The following CCDC91 variants were observed in gnomAD, a reference collection of about 807,000 sequenced individuals.
The protein encoded by CCDC91 is coiled-coil domain-containing protein 91.
CCDC91 carries 48 observed loss-of-function variants against 63.2 expected under a neutral mutation model. That is an observed-to-expected ratio of 0.76 (90% CI 0.60 to 0.97). CCDC91 has a LOEUF of 0.97. Ranked by LOEUF, CCDC91 falls within the 50% of genes least tolerant of loss-of-function variation. CCDC91 has a pLI of 0.00. For synonymous variants in CCDC91, 167 were observed against 165.8 expected, an observed-to-expected ratio of 1.01 and a Z score of -0.06; for missense variants, 500 against 494.6, an observed-to-expected ratio of 1.01 and a Z score of -0.10.
intron 3 of CCDC91, among the ~76,000 whole-genome samples, chr12:28,300,119 A>G (rs752615138): frequency 1.3e-5 from 2 of 151,534 alleles, no homozygotes; most frequent in Non-Finnish European, 3.0e-5. Flanking sequence ...TAATCAAGCC[A>G]TAGTTAGAAT....
chr12:28,418,978 GTTCTAGGTAT>G (rs2139868004), intron 8 of CCDC91, among the ~76,000 whole-genome samples: 1 of 152,206 alleles, frequency 6.6e-6, no homozygotes, highest in Non-Finnish European at 1.5e-5. Context: ...GACTAATCAT[GTTCTAGGTAT>G]TTGTCAAAAT....
intron 3 of CCDC91, among the ~76,000 whole-genome samples, chr12:28,286,609 C>T (rs1009086231): frequency 2.6e-5 from 4 of 152,180 alleles, no homozygotes; most frequent in East Asian, 3.9e-4. Flanking sequence ...TCCAGTTCAT[C>T]CACTGATGGC....
chr12:28,506,443 CTT>C (rs1938726441), intron 12 of CCDC91, among the ~76,000 whole-genome samples: 1 of 151,938 alleles, frequency 6.6e-6, no homozygotes, highest in Non-Finnish European at 1.5e-5. Context: ...ATGCTTGCCT[CTT>C]TGCTAGTGAA....
chr12:28,196,964 C>T (rs1941811707), intron 1 of CCDC91, among the ~76,000 whole-genome samples: 1 of 151,980 alleles, frequency 6.6e-6, no homozygotes, highest in Non-Finnish European at 1.5e-5. Flanking sequence ...TATGGATATG[C>T]CCATCATTTA....
At chr12:28,503,986 A>C (rs1938358502) in intron 12 of CCDC91, among the ~76,000 whole-genome samples, 1 of 152,032 alleles carries the variant, frequency 6.6e-6, no homozygotes, top group Non-Finnish European at 1.5e-5. Context: ...CCTAATGCTA[A>C]ATGATGAGTT....
chr12:28,319,168 G>A (rs10843153), intron 6 of CCDC91, among the ~76,000 whole-genome samples: 30,450 of 151,826 alleles, frequency 0.2, 3,995 homozygotes, highest in Non-Finnish European at 0.3. Flanking sequence ...GAAAAATCAA[G>A]TAAACTGTTT....
intron 3 of CCDC91, among the ~76,000 whole-genome samples, chr12:28,287,144 C>T (rs192432117): frequency 1.3e-5 from 2 of 151,766 alleles, no homozygotes; most frequent in Non-Finnish European, 2.9e-5. Flanking sequence ...ATATTTTCTC[C>T]CATTCTGTAG....
chr12:28,278,357 T>G (rs903855087), intron 3 of CCDC91, among the ~76,000 whole-genome samples: 1 of 152,072 alleles, frequency 6.6e-6, no homozygotes, highest in African/African-American at 2.4e-5. Context: ...CTTTTATATT[T>G]TCACTTCGAT....
chr12:28,501,056 A>G (rs1330642617), intron 12 of CCDC91, among the ~76,000 whole-genome samples: 1 of 151,778 alleles, frequency 6.6e-6, no homozygotes, highest in Non-Finnish European at 1.5e-5. Flanking sequence ...TTATTTAACT[A>G]TAGTGGTTCA....
chr12:28,344,399 G>A (rs1168710865), intron 6 of CCDC91, among the ~76,000 whole-genome samples: 1 of 152,014 alleles, frequency 6.6e-6, no homozygotes, highest in Non-Finnish European at 1.5e-5. Context: ...AAAATATAGA[G>A]TAGAAGAAGT....
intron 11 of CCDC91, among the ~76,000 whole-genome samples, chr12:28,482,525 G>T (rs137986155): frequency 6.6e-6 from 1 of 151,956 alleles, no homozygotes; most frequent in African/African-American, 2.4e-5. Context: ...AATGACAAGA[G>T]AAAATGTGTA....
chr12:28,478,392 G>A, intron 11 of CCDC91, among the ~76,000 whole-genome samples: 1 of 152,162 alleles, frequency 6.6e-6, no homozygotes, highest in Non-Finnish European at 1.5e-5. Context: ...GTGGTGCTGG[G>A]AAAACTGGCT....
chr12:28,501,385 A>G (rs1213027881), intron 12 of CCDC91, among the ~76,000 whole-genome samples: 7 of 151,906 alleles, frequency 4.6e-5, no homozygotes, highest in Non-Finnish European at 5.9e-5. Flanking sequence ...CGTCCCATCA[A>G]TACCTAATTT....
intron 12 of CCDC91, among the ~76,000 whole-genome samples, chr12:28,538,400 T>A (rs1468604586): frequency 6.6e-6 from 1 of 152,026 alleles, no homozygotes; most frequent in Non-Finnish European, 1.5e-5. Flanking sequence ...AATGATGGTT[T>A]TCAGCTTCAT....
intron 12 of CCDC91, among the ~76,000 whole-genome samples, chr12:28,542,336 T>C (rs1168664242): frequency 6.6e-6 from 1 of 152,114 alleles, no homozygotes; most frequent in East Asian, 1.9e-4. Flanking sequence ...AGACTCTTTA[T>C]ACCCATTTTT....
intron 8 of CCDC91, among the ~76,000 whole-genome samples, chr12:28,435,493 T>A (rs1372972057): frequency 6.6e-6 from 1 of 151,842 alleles, no homozygotes; most frequent in Non-Finnish European, 1.5e-5. Flanking sequence ...TGATTTCTAT[T>A]CTTTTAAATT....
At chr12:28,507,248 A>G (rs1178129748) in intron 12 of CCDC91, among the ~76,000 whole-genome samples, 1 of 151,992 alleles carries the variant, frequency 6.6e-6, no homozygotes, top group Non-Finnish European at 1.5e-5. Context: ...ATGAAATGAG[A>G]TAATGAGCAT....
chr12:28,407,966 T>TA (rs1947066519), intron 8 of CCDC91, among the ~76,000 whole-genome samples: 2 of 145,448 alleles, frequency 1.4e-5, no homozygotes, highest in African/African-American at 2.5e-5. Flanking sequence ...ATATATATAT[T>TA]TTTTTTATTT....
At chr12:28,410,545 A>G (rs1374369056) in intron 8 of CCDC91, among the ~76,000 whole-genome samples, 1 of 152,048 alleles carries the variant, frequency 6.6e-6, no homozygotes, top group Non-Finnish European at 1.5e-5. Flanking sequence ...TTTTTGAGAC[A>G]GAGTCTGGCT....
Sources: gnomAD v4.1 joint callset for allele counts (sites outside exome capture counted in the v4.1 genomes callset) on GRCh38, gnomAD v4.1.1 for gene constraint, MANE v1.5 for transcripts, NCBI Gene and HGNC (gene_info 2026-07-23, HGNC 2026-07-21) for gene names.